Variants in STAG1 observed in about 807,000 individuals in gnomAD.
The protein encoded by STAG1 is cohesin subunit SA-1.
In STAG1, 26 loss-of-function variants were observed where a neutral mutation model predicts 170.9. The ratio of observed to expected loss-of-function variants is 0.15; its 90% confidence interval spans 0.11 to 0.21. The LOEUF is 0.21. Among genes scored for constraint, STAG1 ranks in the 10% least tolerant of loss-of-function variants. The pLI, the probability that STAG1 is intolerant of heterozygous loss-of-function variation, is 1.00. For missense variants in STAG1, 964 were observed against 1,509.5 expected (o/e 0.64, Z 5.99); for synonymous variants, 514 against 497.7 (o/e 1.03, Z -0.44).
intron 5 of STAG1, among the ~76,000 whole-genome samples, chr3:136,552,389 T>A (rs1231803604): frequency 6.6e-6 from 1 of 152,234 alleles, no homozygotes; most frequent in Non-Finnish European, 1.5e-5. Context: ...CAGTTTATAA[T>A]GATATTGTAA....
In STAG1 at chr3:136,619,756, CAAAA is replaced by C. The variant is rs62857261; in HGVS notation, c.132+3386_132+3389del. ...TACGCAACAGCGCGAGACTCTGTCTCAAAAAAAAAAAAAAAAAAAAAAAGGAGAG... is the reference window on the plus strand; with the variant it reads ...TACGCAACAGCGCGAGACTCTGTCTCAAAAAAAAAAAAAAAAAAAGGAGAG... On this transcript the variant is annotated intron_variant, in intron 3 of 33. Transcript: ENST00000383202. 1.0e-4 allele frequency among the ~76,000 whole-genome samples: 7 copies of C among 67,748 alleles called. No individual in the cohort carries two copies. In the South Asian group the frequency reaches 1.9e-3, roughly 18 times the overall value. The allele number at this position is 67,748 out of a possible 152,430, so 44.4% of individuals were successfully genotyped here.
intron 13 of STAG1, among the ~76,000 whole-genome samples, chr3:136,454,506 G>A (rs773677498): frequency 3.3e-5 from 5 of 151,806 alleles, no homozygotes; most frequent in Non-Finnish European, 7.4e-5. Context: ...GGCCTCTGGA[G>A]TAGATAAGAT....
At chr3:136,726,931 G>C (rs1334738527) in intron 1 of STAG1, among the ~76,000 whole-genome samples, 1 of 152,014 alleles carries the variant, frequency 6.6e-6, no homozygotes, top group Non-Finnish European at 1.5e-5. Context: ...AATTCCTAGA[G>C]CCATTTCTGC....
intron 1 of STAG1, among the ~76,000 whole-genome samples, chr3:136,701,767 T>C (rs935563205): frequency 1.3e-5 from 2 of 152,292 alleles, no homozygotes; most frequent in South Asian, 2.1e-4. Flanking sequence ...AGAATCATTA[T>C]ACAAACTCCT....
chr3:136,553,738 C>A (rs1255678416), intron 5 of STAG1, among the ~76,000 whole-genome samples: 7 of 152,248 alleles, frequency 4.6e-5, no homozygotes, highest in Non-Finnish European at 1.0e-4. Context: ...CGCGCCACTG[C>A]GCTCCAGCCT....
intron 21 of STAG1, among the ~76,000 whole-genome samples, chr3:136,409,050 A>G (rs1560094779): frequency 1.3e-5 from 2 of 152,086 alleles, no homozygotes; most frequent in African/African-American, 4.8e-5. Flanking sequence ...TGGATCACAG[A>G]GGTCAGGAGT....
intron 1 of STAG1, among the ~76,000 whole-genome samples, chr3:136,636,877 C>A (rs572355339): frequency 6.6e-6 from 1 of 152,248 alleles, no homozygotes; most frequent in East Asian, 1.9e-4. Flanking sequence ...AAGAACAAAC[C>A]CTGGACAGGT....
chr3:136,417,359 A>C (rs1038569510), intron 21 of STAG1, among the ~76,000 whole-genome samples: 4 of 152,194 alleles, frequency 2.6e-5, no homozygotes, highest in African/African-American at 7.2e-5. Context: ...CTCATACTGA[A>C]TCAAGTAGAG....
chr3:136,579,805 T>C (rs996184717), intron 4 of STAG1, among the ~76,000 whole-genome samples: 1 of 152,120 alleles, frequency 6.6e-6, no homozygotes. Context: ...AAACAATTAG[T>C]ACAATGCTGT....
At chr3:136,595,476 G>A (rs982899105) in intron 4 of STAG1, among the ~76,000 whole-genome samples, 5 of 151,826 alleles carry the variant, frequency 3.3e-5, no homozygotes, top group East Asian at 1.9e-4. Context: ...GGTGGATCAC[G>A]AGGTCAGGAG....
intron 1 of STAG1, among the ~76,000 whole-genome samples, chr3:136,678,438 T>G (rs1942211929): frequency 6.6e-6 from 1 of 151,818 alleles, no homozygotes; most frequent in Admixed American, 6.6e-5. Context: ...TGGCTTAATT[T>G]TTTTAAGTGT....
chr3:136,338,505 T>C lies in STAG1; in HGVS notation c.3673-55A>G, dbSNP rs552962661. The C allele has an allele frequency of 2.6e-4, 337 of 1,291,430 alleles. 1 individual carries two copies. Among genetic ancestry groups the C allele is most frequent in the Non-Finnish European group, 3.7e-4 (325 of 889,762 alleles). 80.0% of individuals were successfully genotyped at this position (1,291,430 alleles called of 1,614,324 possible). ...TTTCTGAGATCATTAAGACAATGAA[T>C]TGTGATAATCAGCTAATATTTCTGA... is the stretch of plus-strand genomic sequence containing the variant. On this transcript the variant is annotated intron_variant, in intron 32 of 33. Coordinates refer to ENST00000383202, the MANE Select transcript of STAG1 (RefSeq NM_005862.3).
intron 27 of STAG1, among the ~76,000 whole-genome samples, chr3:136,358,127 G>A (rs12488943): frequency 8.1e-5 from 12 of 148,546 alleles, no homozygotes; most frequent in African/African-American, 2.2e-4. Context: ...TCACTGTGTC[G>A]CCCAGGTTGG....
At chr3:136,374,832 T>C (rs1005780297) in intron 23 of STAG1, among the ~76,000 whole-genome samples, 4 of 152,322 alleles carry the variant, frequency 2.6e-5, no homozygotes, top group South Asian at 2.1e-4. Flanking sequence ...CAGTGATGTA[T>C]AGTAATGTCT....
At chr3:136,701,867 C>G (rs1179263316) in intron 1 of STAG1, among the ~76,000 whole-genome samples, 1 of 152,046 alleles carries the variant, frequency 6.6e-6, no homozygotes, top group Non-Finnish European at 1.5e-5. Context: ...AAAAAATTAT[C>G]GAGAGCTACT....
At chr3:136,357,934 A>G in intron 27 of STAG1, 86 bp from the exon 28 acceptor site, 1 of 1,161,192 alleles carries the variant, frequency 8.6e-7, no homozygotes, top group Non-Finnish European at 1.2e-6. Flanking sequence ...TTGTGAAGGT[A>G]GTAAAATTAT....
At chr3:136,598,420 AC>A (rs1938521465) in intron 4 of STAG1, among the ~76,000 whole-genome samples, 7 of 149,314 alleles carry the variant, frequency 4.7e-5, no homozygotes, top group African/African-American at 1.5e-4. Flanking sequence ...CTTTAATACA[AC>A]CTTTTTTTTT....
intron 1 of STAG1, among the ~76,000 whole-genome samples, chr3:136,701,705 G>C (rs915642643): frequency 2.0e-5 from 3 of 152,110 alleles, no homozygotes; most frequent in African/African-American, 7.2e-5. Context: ...TAATAAATCA[G>C]TATCCCTGGA....
intron 1 of STAG1, among the ~76,000 whole-genome samples, chr3:136,677,012 A>G (rs1942146997): frequency 6.6e-6 from 1 of 152,132 alleles, no homozygotes; most frequent in African/African-American, 2.4e-5. Flanking sequence ...ACACCCATGA[A>G]GCTGTCATCT....
Sources: allele counts gnomAD v4.1 joint callset (sites outside exome capture counted in the v4.1 genomes callset), GRCh38; gene constraint gnomAD v4.1.1; transcripts MANE v1.5; gene names NCBI Gene and HGNC (gene_info 2026-07-23, HGNC 2026-07-21).